Variants in APLF observed in about 807,000 individuals in gnomAD.
APLF encodes aprataxin and PNKP like factor, also known as aprataxin and PNK-like factor.
Under a neutral mutation model 55.6 loss-of-function variants are expected in APLF, and 61 were observed. The observed-to-expected ratio is 1.10, with a 90% CI of 0.89 to 1.36. The LOEUF (loss-of-function observed/expected upper bound fraction) is 1.36. APLF is among the 40% of genes most tolerant of loss of function. The pLI is 0.00. For missense variants in APLF, 611 were observed against 602.5 expected (o/e 1.01, Z -0.15); for synonymous variants, 207 against 214.8 (o/e 0.96, Z 0.32).
chr2:68,515,302 T>TAC (rs1669548790), intron 5 of APLF, among the ~76,000 whole-genome samples: 1 of 151,142 alleles, frequency 6.6e-6, no homozygotes. Context: ...AATATATATA[T>TAC]ATATATATAG....
Position 68,542,662 on chromosome 2 carries a change from T to G in APLF, c.1161-2525T>G, listed in dbSNP as rs547321544. Among the ~76,000 whole-genome samples the G allele has an allele frequency of 3.9e-5, 6 of 152,214 alleles. No homozygotes were observed. In the South Asian group the frequency reaches 1.2e-3, roughly 32 times the overall value. On this transcript the variant is annotated intron_variant, in intron 7 of 9. Transcript: ENST00000303795. ...AACGAAATGAAAAACAAGTAACAAT[T>G]GTTGATGGGGATGTGGAAAAATTGG...
chr2:68,525,866 C>G (rs1003964525), intron 5 of APLF, among the ~76,000 whole-genome samples, 195 bp from the exon 6 acceptor site: 2 of 148,176 alleles, frequency 1.3e-5, no homozygotes, highest in African/African-American at 5.0e-5. Context: ...TCTTATGCCT[C>G]TGCTTCCTAA....
rs376340057 is a variant in APLF at position 68,503,815 on chromosome 2, A to C, written c.341+912A>C. ...TAGGAGGATAGACAAAAAGCAAATT[A>C]ATCCCAAAGAAAATAGAAAAAAAGA... On this transcript the variant is annotated intron_variant, in intron 3 of 9. Transcript: ENST00000303795. Among the ~76,000 whole-genome samples, 49 of 152,216 alleles carry C rather than the reference A, an allele frequency of 3.2e-4. 1 individual carries two copies. The highest frequency in any genetic ancestry group is 1.2e-3 in the African/African-American group (48 of 41,584).
intron 3 of APLF, among the ~76,000 whole-genome samples, chr2:68,512,185 C>A (rs1440124268): frequency 6.6e-6 from 1 of 151,588 alleles, no homozygotes; most frequent in Non-Finnish European, 1.5e-5. Context: ...AATGTTCTCT[C>A]CTGGCTCTTT....
chr2:68,514,951 T>A (rs1669537046), intron 5 of APLF, among the ~76,000 whole-genome samples: 1 of 151,868 alleles, frequency 6.6e-6, no homozygotes, highest in Non-Finnish European at 1.5e-5. Context: ...TTTTTCCATT[T>A]TACCTTGAAC....
chr2:68,480,643 G>A (rs1039737344), intron 1 of APLF, among the ~76,000 whole-genome samples: 2 of 151,776 alleles, frequency 1.3e-5, no homozygotes, highest in African/African-American at 4.8e-5. Context: ...AGGACTAATA[G>A]TACTATATTT....
chr2:68,523,508 T>C (rs989068106), intron 5 of APLF, among the ~76,000 whole-genome samples: 12 of 152,018 alleles, frequency 7.9e-5, no homozygotes, highest in African/African-American at 2.4e-4. Flanking sequence ...TATTTGTAGA[T>C]ATATTTGCTT....
At chr2:68,475,828 T>C (rs1293918333) in intron 1 of APLF, among the ~76,000 whole-genome samples, 1 of 152,046 alleles carries the variant, frequency 6.6e-6, no homozygotes, top group Admixed American at 6.5e-5. Flanking sequence ...TAAGACAATT[T>C]TATGATTTGT....
In APLF at chr2:68,513,135, G is replaced by T. The variant is rs777259004; in HGVS notation, c.397G>T (p.Val133Leu). 1 of 1,611,224 alleles carries T rather than the reference G, an allele frequency of 6.2e-7. No individual in the cohort carries two copies. Among genetic ancestry groups the T allele is most frequent in the Non-Finnish European group, 8.5e-7 (1 of 1,178,244 alleles). ...NILNETPKSP[V>L]INLPHETTGA... ...ATTGAATGAAACACCAAAATCCCCCGTGATTAATTTACCTCATGAGACTAC... is the reference window on the plus strand; with the variant it reads ...ATTGAATGAAACACCAAAATCCCCCTTGATTAATTTACCTCATGAGACTAC... Residue 133 changes from valine to leucine, a missense_variant, in exon 4 of 10, where the codon GTG becomes TTG. Physicochemically the swap from Val to Leu is conservative, Grantham distance 32. Coordinates refer to ENST00000303795, the MANE Select transcript of APLF (RefSeq NM_173545.3).
chr2:68,488,825 G>A (rs1179052938), intron 1 of APLF, among the ~76,000 whole-genome samples: 2 of 152,192 alleles, frequency 1.3e-5, no homozygotes, highest in East Asian at 3.9e-4. Context: ...TCAGATAACT[G>A]CTGTTGTTTT....
chr2:68,538,792 A>C (rs1670474366), intron 7 of APLF, among the ~76,000 whole-genome samples: 1 of 152,198 alleles, frequency 6.6e-6, no homozygotes, highest in African/African-American at 2.4e-5. Context: ...GTTTTAGGCT[A>C]TACTTTCATC....
intron 1 of APLF, among the ~76,000 whole-genome samples, chr2:68,486,738 T>C (rs555852475): frequency 6.6e-6 from 1 of 152,180 alleles, no homozygotes; most frequent in Non-Finnish European, 1.5e-5. Context: ...AGAATGTGTG[T>C]TGTGATTAGA....
At chr2:68,471,578 A>AC (rs1206976998) in intron 1 of APLF, among the ~76,000 whole-genome samples, 2 of 152,316 alleles carry the variant, frequency 1.3e-5, no homozygotes, top group Admixed American at 1.3e-4. Flanking sequence ...CAACACAGGG[A>AC]CAGTGATAAA....
chr2:68,565,124 G>A (rs976573336), intron 8 of APLF, among the ~76,000 whole-genome samples: 2 of 151,884 alleles, frequency 1.3e-5, no homozygotes, highest in African/African-American at 4.8e-5. Flanking sequence ...AAGATTCCAG[G>A]GTTATCAGTT....
At chr2:68,550,119 A>C (rs906829597) in intron 8 of APLF, among the ~76,000 whole-genome samples, 14 of 152,130 alleles carry the variant, frequency 9.2e-5, no homozygotes, top group Non-Finnish European at 1.3e-4. Flanking sequence ...TTTTAGTTTC[A>C]ACTTCTGTTC....
chr2:68,486,110 C>T (rs1479680352), intron 1 of APLF, among the ~76,000 whole-genome samples: 1 of 151,980 alleles, frequency 6.6e-6, no homozygotes, highest in Non-Finnish European at 1.5e-5. Flanking sequence ...TTTTTTTGCA[C>T]TGGTTTCTCT....
chr2:68,567,548 A>C (rs1159679704), intron 9 of APLF, among the ~76,000 whole-genome samples, 161 bp downstream of exon 9: 1 of 152,064 alleles, frequency 6.6e-6, no homozygotes, highest in African/African-American at 2.4e-5. Context: ...AAAAAACACA[A>C]CTGTGACCCT....
At chr2:68,557,668 G>A (rs201860179) in intron 8 of APLF, among the ~76,000 whole-genome samples, 1 of 152,064 alleles carries the variant, frequency 6.6e-6, no homozygotes, top group African/African-American at 2.4e-5. Flanking sequence ...TCCCAGCACT[G>A]TGGGAGGCTG....
At chr2:68,534,260 T>G (rs1268081691) in intron 6 of APLF, among the ~76,000 whole-genome samples, 1 of 152,130 alleles carries the variant, frequency 6.6e-6, no homozygotes, top group Non-Finnish European at 1.5e-5. Flanking sequence ...GCATAGAACA[T>G]TGAGAAAGAA....
Sources: gnomAD v4.1 joint callset for allele counts (sites outside exome capture counted in the v4.1 genomes callset) on GRCh38, gnomAD v4.1.1 for gene constraint, MANE v1.5 for transcripts, NCBI Gene and HGNC (gene_info 2026-07-23, HGNC 2026-07-21) for gene names.